RAB31: variants seen among roughly 807,000 people sequenced by gnomAD.
The protein encoded by RAB31 is ras-related protein Rab-31.
RAB31 carries 21 observed loss-of-function variants against 25.6 expected under a neutral mutation model. The observed-to-expected ratio is 0.82, with a 90% CI of 0.58 to 1.18. The LOEUF (loss-of-function observed/expected upper bound fraction) is 1.18. Among genes scored for constraint, RAB31 ranks in the 50% most tolerant of loss-of-function variants. RAB31 has a pLI of 0.00. For synonymous variants in RAB31, 87 were observed against 84.0 expected (o/e 1.04, Z -0.20); for missense variants, 196 against 250.1 (o/e 0.78, Z 1.46).
chr18:9,828,883 T>C (rs952302087), intron 5 of RAB31, among the ~76,000 whole-genome samples: 5 of 152,118 alleles, frequency 3.3e-5, no homozygotes, highest in African/African-American at 1.2e-4. Flanking sequence ...TTATGTGAGA[T>C]AATGAGGAAG....
At position 9,858,142 on chromosome 18, in the gene RAB31, C is replaced by T. The variant is rs149722683; in HGVS notation, c.491-1086C>T. Among the ~76,000 whole-genome samples the T allele has an allele frequency of 9.2e-5, 14 of 152,228 alleles. No individual in the cohort carries two copies. In the East Asian group the frequency reaches 2.1e-3, roughly 23 times the overall value. On this transcript the variant is annotated intron_variant, in intron 6 of 6. Coordinates refer to ENST00000578921, the MANE Select transcript of RAB31 (RefSeq NM_006868.4). ...TTCAGTGGGAAGAGCACAGGCCTTG[C>T]GACCCATCAGGAAGTCAAGGTGTAG...
intron 1 of RAB31, among the ~76,000 whole-genome samples, chr18:9,747,627 G>A (rs1292532250): frequency 6.6e-6 from 1 of 152,200 alleles, no homozygotes; most frequent in Admixed American, 6.5e-5. Flanking sequence ...CATATTGTGT[G>A]ATTCCTTTCA....
chr18:9,738,314 G>A lies in RAB31; in HGVS notation c.39+29870G>A, dbSNP rs188268139. On this transcript the variant is annotated intron_variant, in intron 1 of 6. Transcript: ENST00000578921. ...ATGGACTGATAGCTGGCAGCCCCCA[G>A]GTAGCTTTAGGATGGGGCTGGTCAC... Among the ~76,000 whole-genome samples, 993 of 152,260 alleles carry A rather than the reference G, an allele frequency of 6.5e-3. 7 individuals are homozygous for A. The highest frequency in any genetic ancestry group is 0.012 in the Non-Finnish European group (809 of 68,000).
intron 1 of RAB31, among the ~76,000 whole-genome samples, chr18:9,750,525 C>T (rs549119390): frequency 1.3e-5 from 2 of 152,248 alleles, no homozygotes; most frequent in East Asian, 3.9e-4. Context: ...CAGTTGCATG[C>T]AAAACTGGGC....
chr18:9,804,224 G>T (rs1055037611), intron 3 of RAB31, among the ~76,000 whole-genome samples: 1 of 152,226 alleles, frequency 6.6e-6, no homozygotes, highest in African/African-American at 2.4e-5. Flanking sequence ...TCCAGTGCGT[G>T]TCCCCTTCTT....
intron 4 of RAB31, 126 bp downstream of exon 4, chr18:9,814,217 A>G (rs2068589788): frequency 1.6e-6 from 1 of 627,006 alleles, no homozygotes; most frequent in South Asian, 1.9e-5. Flanking sequence ...AGTTTATTTC[A>G]TGTATATGTA....
At chr18:9,854,491 A>G (rs1227121419) in intron 6 of RAB31, among the ~76,000 whole-genome samples, 2 of 151,712 alleles carry the variant, frequency 1.3e-5, no homozygotes. Context: ...TTCCCTTTCC[A>G]TCTGTGCTTC....
intron 5 of RAB31, among the ~76,000 whole-genome samples, chr18:9,839,926 C>T (rs940600929): frequency 1.3e-5 from 2 of 152,190 alleles, no homozygotes; most frequent in African/African-American, 4.8e-5. Flanking sequence ...CTCCAGCTTT[C>T]CCACTTCTCC....
In RAB31 at chr18:9,859,312, G is replaced by A. The variant is rs760965574; in HGVS notation, c.575G>A (p.Arg192His). Residue 192 changes from arginine (R) to histidine (H), a missense_variant, in exon 7 of 7, where the codon CGC becomes CAC. Transcript: ENST00000578921. ...KVEKPTMQASRRCC is the reference protein window; with the variant it reads ...KVEKPTMQASHRCC ...GAGAAGCCAACCATGCAAGCCAGCC[G>A]CCGGTGCTGTTGACCCAAGGGCCGT... is the stretch of plus-strand genomic sequence containing the variant. 9.3e-6 allele frequency: 15 copies of A among 1,612,448 alleles called. No homozygotes were observed. Among genetic ancestry groups the A allele is most frequent in the South Asian group, 4.4e-5 (4 of 91,068 alleles).
At chr18:9,831,407 T>C (rs2068677747) in intron 5 of RAB31, among the ~76,000 whole-genome samples, 1 of 152,234 alleles carries the variant, frequency 6.6e-6, no homozygotes, top group Non-Finnish European at 1.5e-5. Context: ...TTATCTTGGA[T>C]ATTTTTGGCT....
chr18:9,810,692 C>T (rs1244374130), intron 3 of RAB31, among the ~76,000 whole-genome samples: 3 of 152,206 alleles, frequency 2.0e-5, no homozygotes. Context: ...GTTTTAGATT[C>T]AGTTCATGGT....
intron 1 of RAB31, among the ~76,000 whole-genome samples, chr18:9,732,992 C>T (rs2068131164): frequency 6.6e-6 from 1 of 152,166 alleles, no homozygotes; most frequent in South Asian, 2.1e-4. Flanking sequence ...TGGTGATGAG[C>T]TGAGCTTTCA....
At chr18:9,770,097 TTTA>T (rs2068336458) in intron 1 of RAB31, among the ~76,000 whole-genome samples, 1 of 152,184 alleles carries the variant, frequency 6.6e-6, no homozygotes, top group Non-Finnish European at 1.5e-5. Flanking sequence ...TTGCCAGTAT[TTTA>T]TTGAGGATTT....
chr18:9,835,567 T>C (rs1044849138), intron 5 of RAB31, among the ~76,000 whole-genome samples: 5 of 152,220 alleles, frequency 3.3e-5, no homozygotes, highest in African/African-American at 1.2e-4. Context: ...CCCAGGTGAA[T>C]AGCAGTTAAG....
At chr18:9,719,399 A>G (rs1419334365) in intron 1 of RAB31, among the ~76,000 whole-genome samples, 2 of 136,512 alleles carry the variant, frequency 1.5e-5, no homozygotes, top group Admixed American at 1.6e-4. Flanking sequence ...ATGCTGTTGT[A>G]GTTTTAGACT....
chr18:9,792,239 A>G lies in RAB31; in HGVS notation c.201+4A>G. 2 of 1,609,678 alleles carry G rather than the reference A, an allele frequency of 1.2e-6. No individual in the cohort carries two copies. Among genetic ancestry groups the G allele is most frequent in the Non-Finnish European group, 1.7e-6 (2 of 1,177,846 alleles). On this transcript the variant is annotated splice_donor_region_variant and intron_variant, in intron 3 of 6. Transcript: ENST00000578921. ...GGACACTGCTGGTCAGGAACGGGTG[A>G]GTATATGCTGTTTTTTGGTGAAAAC...
At chr18:9,792,471 C>T (rs1027978946) in intron 3 of RAB31, among the ~76,000 whole-genome samples, 4 of 152,126 alleles carry the variant, frequency 2.6e-5, no homozygotes, top group Non-Finnish European at 4.4e-5. Context: ...GCCCATCTCT[C>T]TTATTTCTGT....
intron 5 of RAB31, among the ~76,000 whole-genome samples, chr18:9,823,021 C>A (rs2068631466): frequency 6.6e-6 from 1 of 152,186 alleles, no homozygotes; most frequent in African/African-American, 2.4e-5. Flanking sequence ...AGATGTCCTT[C>A]AGTTACGAAT....
At chr18:9,807,409 G>A (rs1348186215) in intron 3 of RAB31, among the ~76,000 whole-genome samples, 2 of 151,960 alleles carry the variant, frequency 1.3e-5, no homozygotes, top group African/African-American at 2.4e-5. Context: ...GATCGTCATG[G>A]CCATCCTGGC....
Sources: gnomAD v4.1 joint callset for allele counts (sites outside exome capture counted in the v4.1 genomes callset) on GRCh38, gnomAD v4.1.1 for gene constraint, MANE v1.5 for transcripts, NCBI Gene and HGNC (gene_info 2026-07-23, HGNC 2026-07-21) for gene names.